The following SLCO3A1 variants were observed in gnomAD, a reference collection of about 807,000 sequenced individuals.
SLCO3A1 encodes the protein PGE1 transporter.
SLCO3A1 carries 27 observed loss-of-function variants against 63.1 expected under a neutral mutation model. The observed-to-expected ratio is 0.43, with a 90% CI of 0.32 to 0.59. The LOEUF (loss-of-function observed/expected upper bound fraction) is 0.59, where lower values mean the gene tolerates loss of function less well. Ranked by LOEUF, SLCO3A1 falls within the 20% of genes least tolerant of loss-of-function variation. SLCO3A1 has a pLI of 0.09. For missense variants in SLCO3A1, 773 were observed against 945.8 expected, an observed-to-expected ratio of 0.82 and a Z score of 2.40; for synonymous variants, 473 against 409.9, an observed-to-expected ratio of 1.15 and a Z score of -1.86.
At chr15:91,901,872 A>T (rs1193075697) in intron 1 of SLCO3A1, among the ~76,000 whole-genome samples, 1 of 150,474 alleles carries the variant, frequency 6.6e-6, no homozygotes, top group South Asian at 2.1e-4. Context: ...GTATTTCACT[A>T]CATTTTGGAT....
Position 92,055,924 on chromosome 15 carries a change from T to G in SLCO3A1, c.647-38957T>G, listed in dbSNP as rs532465558. Among the ~76,000 whole-genome samples the G allele has an allele frequency of 3.9e-5, 6 of 152,368 alleles. No homozygotes were observed. The East Asian group carries it at 1.2e-3, about 29-fold the overall frequency. ...CCCTTTGTGCTCATATTTATTGCCT[T>G]TATTTTATTTTTTAGAATCCACAAA... On this transcript the variant is annotated intron_variant, in intron 2 of 9. Coordinates refer to ENST00000318445, the MANE Select transcript of SLCO3A1 (RefSeq NM_013272.4).
intron 2 of SLCO3A1, among the ~76,000 whole-genome samples, chr15:91,979,316 T>G (rs544386356): frequency 6.6e-6 from 1 of 152,344 alleles, no homozygotes; most frequent in South Asian, 2.1e-4. Context: ...TTGAAGGTAA[T>G]TTGATACAAT....
chr15:91,865,091 C>T lies in SLCO3A1; in HGVS notation c.180+11003C>T, dbSNP rs138127990. On this transcript the variant is annotated intron_variant, in intron 1 of 9. Coordinates refer to ENST00000318445, the MANE Select transcript of SLCO3A1 (RefSeq NM_013272.4). The surrounding 1 kb of genome is among the most constrained non-coding windows in gnomAD (Gnocchi z 4.6). ...CTATCCAGTGGATAATGGAGCTGAG[C>T]GTGGTCTCTTACAAGCCTTTCAGAT... Among the ~76,000 whole-genome samples, 18 of 152,336 alleles carry T rather than the reference C, an allele frequency of 1.2e-4. No individual in the cohort carries two copies. The highest frequency in any genetic ancestry group is 3.8e-4 in the African/African-American group (16 of 41,560).
At chr15:92,099,496 C>G (rs2047578665) in intron 3 of SLCO3A1, among the ~76,000 whole-genome samples, 1 of 152,064 alleles carries the variant, frequency 6.6e-6, no homozygotes, top group South Asian at 2.1e-4. Context: ...GTAAATGTCC[C>G]CAACTTGCTT....
At chr15:91,956,985 A>AT (rs1297821954) in intron 2 of SLCO3A1, among the ~76,000 whole-genome samples, 13 of 16,564 alleles carry the variant, frequency 7.8e-4, no homozygotes, top group Non-Finnish European at 9.7e-4. Flanking sequence ...TAGTATATAT[A>AT]ATATATAGTA....
At chr15:91,992,820 C>T (rs1429215016) in intron 2 of SLCO3A1, among the ~76,000 whole-genome samples, 1 of 152,160 alleles carries the variant, frequency 6.6e-6, no homozygotes, top group Non-Finnish European at 1.5e-5. Context: ...AAGGCAATGG[C>T]ACAATTATAA....
chr15:92,088,392 A>C (rs2047431512), intron 2 of SLCO3A1, among the ~76,000 whole-genome samples: 1 of 152,228 alleles, frequency 6.6e-6, no homozygotes, highest in Non-Finnish European at 1.5e-5. Context: ...AATTAACACA[A>C]AACCTTTGTG....
At position 91,871,371 on chromosome 15, in the gene SLCO3A1, G is replaced by C. The variant is rs142311645; in HGVS notation, c.180+17283G>C. Among the ~76,000 whole-genome samples, 14 of 152,218 alleles carry C rather than the reference G, an allele frequency of 9.2e-5. No individual in the cohort carries two copies. The East Asian group carries it at 2.5e-3, about 27-fold the overall frequency. ...TTAAGTGGGTTCGGTCTTCCTGTGT[G>C]GGGGGCACACACTGCACACCCTCTG... On this transcript the variant is annotated intron_variant, in intron 1 of 9. Transcript: ENST00000318445.
At chr15:91,858,165 C>T (rs1390775146) in intron 1 of SLCO3A1, among the ~76,000 whole-genome samples, 1 of 151,852 alleles carries the variant, frequency 6.6e-6, no homozygotes, top group East Asian at 1.9e-4. Context: ...TCTGCATATT[C>T]AACCCAGAAG....
chr15:92,163,596 A>C lies in SLCO3A1; in HGVS notation c.*461A>C. 4.1e-6 allele frequency: 4 copies of C among 985,064 alleles called. No homozygotes were observed. Among genetic ancestry groups the C allele is most frequent in the East Asian group, 1.1e-4 (1 of 8,814 alleles). 61.0% of individuals were successfully genotyped at this position (985,064 alleles called of 1,614,324 possible). On this transcript the variant is annotated 3_prime_UTR_variant, in exon 10 of 10. Coordinates refer to ENST00000318445, the MANE Select transcript of SLCO3A1 (RefSeq NM_013272.4). ...CACAAGTTGAAAACATTGCCAGATT[A>C]AGCACTAGTGACACACCCCGTGCCA...
At chr15:91,880,131 G>GTCCATCCA (rs1202665562) in intron 1 of SLCO3A1, among the ~76,000 whole-genome samples, 4 of 130,456 alleles carry the variant, frequency 3.1e-5, no homozygotes, top group African/African-American at 1.4e-4. Context: ...CCGTCCGTCC[G>GTCCATCCA]TCCATCCATC....
intron 2 of SLCO3A1, among the ~76,000 whole-genome samples, chr15:91,966,346 G>C (rs1900661220): frequency 6.6e-6 from 1 of 152,222 alleles, no homozygotes; most frequent in Non-Finnish European, 1.5e-5. Flanking sequence ...AGCCAGGGGA[G>C]TGGAGGGACG....
At chr15:91,949,794 C>T (rs952717524) in intron 2 of SLCO3A1, among the ~76,000 whole-genome samples, 2 of 151,874 alleles carry the variant, frequency 1.3e-5, no homozygotes, top group Non-Finnish European at 2.9e-5. Flanking sequence ...GCCTGGAGTT[C>T]AAGACCAGCC....
Position 92,164,680 on chromosome 15 carries a change from G to A in SLCO3A1, c.*1545G>A, listed in dbSNP as rs760438822. 729 of 985,128 alleles carry A rather than the reference G, an allele frequency of 7.4e-4. No homozygotes were observed. The highest frequency in any genetic ancestry group is 8.6e-4 in the Non-Finnish European group (712 of 829,804). 61.0% of individuals were successfully genotyped at this position (985,128 alleles called of 1,614,324 possible). A position where few individuals can be genotyped will look rare whatever the true frequency, so the allele number is the denominator to read the frequency against. The stretch of plus-strand genomic sequence containing the variant: ...GTGTGTCCAATGCGTGAAAATGTCT[G>A]TGACATTTTCAGTGTTAGTCTTGAA... On this transcript the variant is annotated 3_prime_UTR_variant, in exon 10 of 10. Coordinates refer to ENST00000318445, the MANE Select transcript of SLCO3A1 (RefSeq NM_013272.4).
chr15:92,025,921 C>G (rs2046568509), intron 2 of SLCO3A1, among the ~76,000 whole-genome samples: 1 of 152,192 alleles, frequency 6.6e-6, no homozygotes, highest in African/African-American at 2.4e-5. Flanking sequence ...ATTTTATGAA[C>G]TGCTAATTAC....
In SLCO3A1 at chr15:92,129,447, C is replaced by T. The variant is rs74028810; in HGVS notation, c.1512+958C>T. On this transcript the variant is annotated intron_variant, in intron 7 of 9. Coordinates refer to ENST00000318445, the MANE Select transcript of SLCO3A1 (RefSeq NM_013272.4). ...TCAGTAGCCTCCTCCAATGTCCCCT[C>T]CTCTGAAACCATCCCTTCCCTTTTT... Among the ~76,000 whole-genome samples, 1,104 of 152,290 alleles carry T rather than the reference C, an allele frequency of 7.2e-3. 17 individuals are homozygous for T. Among genetic ancestry groups the T allele is most frequent in the African/African-American group, 0.025 (1,053 of 41,544 alleles).
At chr15:92,170,645 A>G (rs1164832177), downstream of SLCO3A1, among the ~76,000 whole-genome samples, 1 of 152,222 alleles carries the variant, frequency 6.6e-6, no homozygotes, top group Non-Finnish European at 1.5e-5. Flanking sequence ...ACCTGTGGGA[A>G]ACCCCTAGCA....
At chr15:92,128,577 C>G (rs2047955204) in intron 7 of SLCO3A1, 88 bp downstream of exon 7, 2 of 1,219,206 alleles carry the variant, frequency 1.6e-6, no homozygotes, top group Non-Finnish European at 2.2e-6. Flanking sequence ...TGTTCGCCTT[C>G]CCTGTGACTT....
At chr15:92,080,775 C>T (rs1567108733) in intron 2 of SLCO3A1, among the ~76,000 whole-genome samples, 1 of 152,224 alleles carries the variant, frequency 6.6e-6, no homozygotes, top group Non-Finnish European at 1.5e-5. Context: ...TGTCACCATG[C>T]TCAGTGACTT....
Sources: gnomAD v4.1 joint callset for allele counts (sites outside exome capture counted in the v4.1 genomes callset) on GRCh38, gnomAD v4.1.1 for gene constraint, Gnocchi (gnomAD v3.1) non-coding constraint, MANE v1.5 for transcripts, NCBI Gene and HGNC (gene_info 2026-07-23, HGNC 2026-07-21) for gene names.